The following PCDHA2 variants were observed in gnomAD, a reference collection of about 807,000 sequenced individuals.
PCDHA2 encodes the protein protocadherin alpha 2, also known as protocadherin alpha-2.
PCDHA2 carries 58 observed loss-of-function variants against 66.0 expected under a neutral mutation model. The observed-to-expected ratio is 0.88, with a 90% confidence interval of 0.71 to 1.09. The LOEUF is 1.09. Ranked by LOEUF, PCDHA2 falls within the 50% of genes least tolerant of loss-of-function variation. The probability of loss-of-function intolerance (pLI) is 0.00; values close to 1 mark genes in which losing one functional copy is unlikely to be tolerated. For synonymous variants in PCDHA2, 634 were observed against 554.0 expected (o/e 1.14, Z -2.03); for missense variants, 1,267 against 1,242.3 (o/e 1.02, Z -0.30).
intron 1 of PCDHA2, chr5:140,814,416 CT>C (rs1765510586): frequency 6.6e-6 from 1 of 150,478 alleles, no homozygotes; most frequent in Non-Finnish European, 1.5e-5. Context: ...TCCCAAAAGA[CT>C]TTCCTGAGGC....
intron 1 of PCDHA2, chr5:140,927,305 C>A: frequency 6.2e-7 from 1 of 1,614,190 alleles, no homozygotes; most frequent in African/African-American, 1.3e-5. Flanking sequence ...GAGTTCCTGA[C>A]GCCCGGAGCC....
In PCDHA2 at chr5:140,801,668, A is replaced by G. The variant is rs782236983; in HGVS notation, c.2388+4316A>G. 11 of 1,614,112 alleles carry G rather than the reference A, an allele frequency of 6.8e-6. No individual in the cohort carries two copies. In the East Asian group the frequency reaches 2.0e-4, roughly 29 times the overall value. The stretch of plus-strand genomic sequence containing the variant: ...GCTCTCGGTTTTCGCTAGAGGGCGC[A>G]TCAGATGCAGATATCGGAACAAATT... On this transcript the variant is annotated intron_variant, in intron 1 of 3. Transcript: ENST00000526136.
chr5:140,842,811 G>T (rs1554139410), intron 1 of PCDHA2: 3 of 1,594,022 alleles, frequency 1.9e-6, no homozygotes, highest in Non-Finnish European at 2.6e-6. Flanking sequence ...CTTGTGGAGC[G>T]GCGGGTGGGC....
intron 3 of PCDHA2, among the ~76,000 whole-genome samples, chr5:141,000,919 A>AT (rs2097975024): frequency 6.6e-6 from 1 of 152,134 alleles, no homozygotes; most frequent in Non-Finnish European, 1.5e-5. Flanking sequence ...AAAAAAAAAA[A>AT]TCCTGTGTGA....
chr5:140,857,481 C>G (rs1554150087), intron 1 of PCDHA2: 1 of 1,598,530 alleles, frequency 6.3e-7, no homozygotes, highest in Non-Finnish European at 8.6e-7. Flanking sequence ...ACGGTGTCTG[C>G]GTGGGACGCG....
chr5:140,809,099 G>A (rs782619886), intron 1 of PCDHA2: 5 of 1,613,982 alleles, frequency 3.1e-6, no homozygotes, highest in Non-Finnish European at 4.2e-6. Flanking sequence ...GCGTGCCCTG[G>A]ACGAAACGGA....
chr5:140,964,930 G>A (rs1480159584), intron 1 of PCDHA2, among the ~76,000 whole-genome samples: 12 of 152,306 alleles, frequency 7.9e-5, no homozygotes, highest in Middle Eastern at 3.4e-3. Flanking sequence ...CTAGGTAGTG[G>A]AGCATTGATA....
At position 140,810,442 on chromosome 5, in the gene PCDHA2, A is replaced by G. The variant is rs372953420; in HGVS notation, c.2388+13090A>G. 7 of 152,218 alleles carry G rather than the reference A, an allele frequency of 4.6e-5. No individual in the cohort carries two copies. In the East Asian group the frequency reaches 7.7e-4, roughly 17 times the overall value. 9.4% of individuals were successfully genotyped at this position (152,218 alleles called of 1,614,324 possible). On this transcript the variant is annotated intron_variant, in intron 1 of 3. Transcript: ENST00000526136. ...TTCCAAGATGTTTTTACCTGTTTAC[A>G]TTCCTAGTAGTGCATAAGGCTTTCT...
At chr5:140,927,556 A>G (rs1428283255) in intron 1 of PCDHA2, 15 of 1,614,022 alleles carry the variant, frequency 9.3e-6, no homozygotes, top group African/African-American at 1.3e-5. Flanking sequence ...AGTCACCATC[A>G]TTGTGGTGGA....
chr5:140,886,961 C>T (rs1340952035), intron 1 of PCDHA2, among the ~76,000 whole-genome samples: 1 of 151,926 alleles, frequency 6.6e-6, no homozygotes, highest in South Asian at 2.1e-4. Context: ...CATTTAGCAA[C>T]GAAATTTATT....
At chr5:140,834,897 C>T (rs1364114983) in intron 1 of PCDHA2, 11 of 1,602,496 alleles carry the variant, frequency 6.9e-6, no homozygotes, top group Non-Finnish European at 2.6e-6. Flanking sequence ...CACTTACAGA[C>T]TGAGCCCCAA....
chr5:140,843,243 A>G, intron 1 of PCDHA2: 2 of 1,595,128 alleles, frequency 1.3e-6, no homozygotes, highest in Non-Finnish European at 1.7e-6. Context: ...GACGAAGCGG[A>G]CTCTCCGCGC....
intron 1 of PCDHA2, chr5:140,877,741 A>T: frequency 1.2e-6 from 2 of 1,614,182 alleles, no homozygotes; most frequent in Non-Finnish European, 1.7e-6. Flanking sequence ...GAGGAGGCAG[A>T]GGGTGTGCTC....
intron 1 of PCDHA2, among the ~76,000 whole-genome samples, chr5:140,872,366 C>T (rs1474545806): frequency 5.3e-5 from 8 of 152,126 alleles, no homozygotes; most frequent in African/African-American, 1.4e-4. Flanking sequence ...GTGGTTCAGG[C>T]CTGTAATCCC....
chr5:140,929,409 T>C, intron 1 of PCDHA2: 11 of 1,506,206 alleles, frequency 7.3e-6, no homozygotes, highest in Non-Finnish European at 9.8e-6. Context: ...GACAAGCCTT[T>C]CACAACATTT....
chr5:140,897,885 C>G (rs1554187646), intron 1 of PCDHA2, among the ~76,000 whole-genome samples: 1 of 152,182 alleles, frequency 6.6e-6, no homozygotes, highest in Non-Finnish European at 1.5e-5. Context: ...GCCATTCTAA[C>G]TGGTGTGAGA....
chr5:140,980,522 A>G (rs1341350940), intron 2 of PCDHA2, among the ~76,000 whole-genome samples: 2 of 152,074 alleles, frequency 1.3e-5, no homozygotes, highest in Non-Finnish European at 2.9e-5. Flanking sequence ...TCCAGCTACT[A>G]GGGAGGCTGA....
intron 1 of PCDHA2, chr5:140,836,191 A>T (rs2150255019): frequency 1.2e-6 from 2 of 1,613,828 alleles, no homozygotes; most frequent in Non-Finnish European, 1.7e-6. Context: ...GACTCAGGCT[A>T]CAACGCGTGG....
intron 1 of PCDHA2, chr5:140,824,264 C>T (rs2150133767): frequency 7.8e-7 from 1 of 1,285,750 alleles, no homozygotes; most frequent in South Asian, 1.3e-5. Context: ...TGCACTAATT[C>T]ATGTATTATA....
Sources: allele counts gnomAD v4.1 joint callset (sites outside exome capture counted in the v4.1 genomes callset), GRCh38; gene constraint gnomAD v4.1.1; transcripts MANE v1.5; gene names NCBI Gene and HGNC (gene_info 2026-07-23, HGNC 2026-07-21).